Variants in ULK4 observed in about 807,000 individuals in gnomAD.
ULK4 encodes unc-51 like kinase 4, also known as inactive serine/threonine-protein kinase ULK4.
A neutral mutation model predicts 160.6 loss-of-function variants in ULK4; 133 were observed. The ratio of observed to expected loss-of-function variants is 0.83; its 90% CI spans 0.72 to 0.96. The LOEUF is 0.96. Ranked by LOEUF, ULK4 falls within the 40% of genes least tolerant of loss-of-function variation. ULK4 has a pLI of 0.00. For synonymous variants in ULK4, 534 were observed against 539.8 expected, an observed-to-expected ratio of 0.99 and a Z score of 0.15; for missense variants, 1,580 against 1,499.5, an observed-to-expected ratio of 1.05 and a Z score of -0.89.
intron 17 of ULK4, among the ~76,000 whole-genome samples, chr3:41,862,789 TCC>T (rs35116227): frequency 1.4e-4 from 19 of 133,112 alleles, no homozygotes; most frequent in South Asian, 8.3e-4. Flanking sequence ...CTCTCTCCGC[TCC>T]CCCCCCCCTT....
chr3:41,956,909 T>TA (rs1261054068), intron 1 of ULK4, among the ~76,000 whole-genome samples: 1 of 152,248 alleles, frequency 6.6e-6, no homozygotes, highest in Non-Finnish European at 1.5e-5. Context: ...TCCCTTTATT[T>TA]AAAAAAGTTT....
intron 17 of ULK4, among the ~76,000 whole-genome samples, chr3:41,853,930 A>C (rs1261582800): frequency 6.6e-6 from 1 of 152,178 alleles, no homozygotes; most frequent in South Asian, 2.1e-4. Context: ...ACCCCCCTTC[A>C]TGAATATTCA....
chr3:41,839,576 C>T (rs2041853249), intron 17 of ULK4, among the ~76,000 whole-genome samples: 1 of 151,298 alleles, frequency 6.6e-6, no homozygotes, highest in Non-Finnish European at 1.5e-5. Flanking sequence ...ATATAAATTT[C>T]ACCACATAGA....
At chr3:41,468,184 G>A (rs530866012) in intron 32 of ULK4, among the ~76,000 whole-genome samples, 13 of 152,198 alleles carry the variant, frequency 8.5e-5, no homozygotes, top group African/African-American at 3.1e-4. Flanking sequence ...AAGTGCCAAC[G>A]TTCAAGGGAG....
intron 20 of ULK4, among the ~76,000 whole-genome samples, chr3:41,794,084 C>T (rs760171557): frequency 4.6e-5 from 7 of 152,154 alleles, no homozygotes; most frequent in Non-Finnish European, 8.8e-5. Flanking sequence ...CTATCAAGTT[C>T]CCAAGAAATG....
At chr3:41,527,359 T>C (rs2086155071) in intron 32 of ULK4, among the ~76,000 whole-genome samples, 1 of 152,228 alleles carries the variant, frequency 6.6e-6, no homozygotes, top group Non-Finnish European at 1.5e-5. Context: ...TAACTAATAT[T>C]TCTGTGATGC....
intron 35 of ULK4, among the ~76,000 whole-genome samples, chr3:41,272,166 C>T (rs1035557226): frequency 6.6e-6 from 1 of 152,130 alleles, no homozygotes; most frequent in Non-Finnish European, 1.5e-5. Context: ...ATCCACCTGC[C>T]TCAGCCTCCC....
intron 31 of ULK4, among the ~76,000 whole-genome samples, chr3:41,613,082 A>G (rs902115324): frequency 6.6e-6 from 1 of 152,206 alleles, no homozygotes; most frequent in African/African-American, 2.4e-5. Context: ...GCCCCACACA[A>G]TCTTCTCATT....
At chr3:41,935,107 C>T (rs1336522507) in intron 4 of ULK4, among the ~76,000 whole-genome samples, 3 of 147,712 alleles carry the variant, frequency 2.0e-5, no homozygotes. Flanking sequence ...CCTCTGCCTC[C>T]CGGATTCAAG....
Position 41,911,589 on chromosome 3 carries a change from C to T in ULK4, c.967G>A (p.Ala323Thr), listed in dbSNP as rs753125114. The T allele has an allele frequency of 1.9e-6, 3 of 1,614,056 alleles. No homozygotes were observed. The South Asian group carries it at 3.3e-5, about 18-fold the overall frequency. Residue 323 changes from alanine (A) to threonine (T), a missense_variant, in exon 10 of 37, where the codon GCA becomes ACA. Transcript: ENST00000301831. The stretch of plus-strand genomic sequence containing the variant: ...GGTTGACCACTCTTGTGCCCTTTTG[C>T]TTGTCTACTCTGAGAGTTCTGCAAA... ...ELLQNSQSRQAKGHKSGQPLG... is the reference protein window; with the variant it reads ...ELLQNSQSRQTKGHKSGQPLG...
chr3:41,932,435 C>G (rs532486703), intron 4 of ULK4, among the ~76,000 whole-genome samples: 1 of 152,296 alleles, frequency 6.6e-6, no homozygotes, highest in South Asian at 2.1e-4. Context: ...AGACCCAGGT[C>G]CACCATTTAC....
chr3:41,959,153 C>G (rs993694055), intron 1 of ULK4, among the ~76,000 whole-genome samples: 2 of 152,180 alleles, frequency 1.3e-5, no homozygotes, highest in Admixed American at 1.3e-4. Context: ...CACCTGAGGT[C>G]AGGAGATCAA....
intron 19 of ULK4, among the ~76,000 whole-genome samples, chr3:41,814,606 T>C (rs539948399): frequency 6.6e-6 from 1 of 152,302 alleles, no homozygotes; most frequent in African/African-American, 2.4e-5. Flanking sequence ...TAAATTGCCC[T>C]CTTAGGGTTG....
At chr3:41,463,033 G>A in intron 33 of ULK4, 54 bp downstream of exon 33, 1 of 1,556,424 alleles carries the variant, frequency 6.4e-7, no homozygotes, top group Non-Finnish European at 8.7e-7. Context: ...AGAATGAAAG[G>A]GAAGCATGAA....
At chr3:41,752,037 G>C (rs904597234) in intron 22 of ULK4, among the ~76,000 whole-genome samples, 1 of 152,184 alleles carries the variant, frequency 6.6e-6, no homozygotes, top group Non-Finnish European at 1.5e-5. Flanking sequence ...GAGTGACTGG[G>C]TGTTACTGGA....
intron 35 of ULK4, among the ~76,000 whole-genome samples, chr3:41,283,798 A>C (rs955820869): frequency 3.3e-5 from 5 of 149,748 alleles, no homozygotes; most frequent in Non-Finnish European, 5.9e-5. Context: ...ACAAACAGAC[A>C]AAAAAAAACC....
rs575114165 is a variant in ULK4, at chr3:41,915,720, T to C, written c.803+257A>G. On this transcript the variant is annotated intron_variant, in intron 8 of 36. Transcript: ENST00000301831. ...GAAAATTTGTCAACTACTTAATACATGAAAAGAGAAACTGACTTCAAAAAT... is the reference window on the plus strand; with the variant it reads ...GAAAATTTGTCAACTACTTAATACACGAAAAGAGAAACTGACTTCAAAAAT... Among the ~76,000 whole-genome samples the C allele has an allele frequency of 2.0e-5, 3 of 152,228 alleles. No homozygotes were observed. The East Asian group carries it at 5.8e-4, about 29-fold the overall frequency.
chr3:41,873,224 CTTTTTT>C (rs1173793427), intron 17 of ULK4, among the ~76,000 whole-genome samples: 1 of 106,318 alleles, frequency 9.4e-6, no homozygotes, highest in African/African-American at 5.0e-5. Context: ...AGTTGCCTTT[CTTTTTT>C]TTTTTTTTTT....
chr3:41,718,748 C>T (rs2037354895), intron 22 of ULK4, among the ~76,000 whole-genome samples: 1 of 152,190 alleles, frequency 6.6e-6, no homozygotes, highest in Non-Finnish European at 1.5e-5. Context: ...AACCAATTTC[C>T]ATTGTAAATT....
Sources: allele counts gnomAD v4.1 joint callset (sites outside exome capture counted in the v4.1 genomes callset), GRCh38; gene constraint gnomAD v4.1.1; transcripts MANE v1.5; gene names NCBI Gene and HGNC (gene_info 2026-07-23, HGNC 2026-07-21).